Variants in PHACTR3 observed in about 807,000 individuals in gnomAD.
PHACTR3 encodes protein phosphatase 1, regulatory subunit 123.
Under a neutral mutation model 66.8 loss-of-function variants are expected in PHACTR3, and 16 were observed. The ratio of observed to expected loss-of-function variants is 0.24; its 90% CI spans 0.16 to 0.36. The LOEUF (loss-of-function observed/expected upper bound fraction) is 0.36. PHACTR3 is among the 10% of genes least tolerant of loss of function. The pLI, the probability that PHACTR3 is intolerant of heterozygous loss-of-function variation, is 1.00. For missense variants in PHACTR3, 647 were observed against 719.9 expected (o/e 0.90, Z 1.16); for synonymous variants, 323 against 292.1 (o/e 1.11, Z -1.08).
chr20:59,827,071 G>T (rs1439301626), intron 8 of PHACTR3, among the ~76,000 whole-genome samples: 1 of 152,062 alleles, frequency 6.6e-6, no homozygotes, highest in African/African-American at 2.4e-5. Flanking sequence ...GTCCCCAGAT[G>T]GAAGGTGACC....
intron 4 of PHACTR3, among the ~76,000 whole-genome samples, chr20:59,758,824 C>T (rs879558854): frequency 1.2e-4 from 18 of 152,150 alleles, no homozygotes; most frequent in Non-Finnish European, 2.5e-4. Context: ...AGTGACTTAA[C>T]CTTTCTGATT....
intron 1 of PHACTR3, among the ~76,000 whole-genome samples, chr20:59,590,435 G>T (rs1329306033): frequency 6.6e-6 from 1 of 152,154 alleles, no homozygotes; most frequent in Non-Finnish European, 1.5e-5. Context: ...CCTGGTTGCC[G>T]GTTTCAGTCC....
chr20:59,718,788 G>A (rs1259526741), intron 1 of PHACTR3, among the ~76,000 whole-genome samples: 2 of 152,328 alleles, frequency 1.3e-5, no homozygotes, highest in Non-Finnish European at 2.9e-5. Flanking sequence ...ACACGGCTCT[G>A]TTTTAAAAAG....
chr20:59,627,991 T>G (rs2034519781), intron 1 of PHACTR3: 2 of 152,200 alleles, frequency 1.3e-5, no homozygotes, highest in African/African-American at 4.8e-5. Context: ...CATCCATCCA[T>G]CTATCCAGGC....
At chr20:59,581,812 C>T (rs566217655) in intron 1 of PHACTR3, among the ~76,000 whole-genome samples, 2 of 151,262 alleles carry the variant, frequency 1.3e-5, no homozygotes, top group South Asian at 4.2e-4. Context: ...ACCCGGTAGG[C>T]GGAGCTTGCA....
At chr20:59,616,572 G>A (rs2034033650) in intron 1 of PHACTR3, among the ~76,000 whole-genome samples, 1 of 152,220 alleles carries the variant, frequency 6.6e-6, no homozygotes, top group African/African-American at 2.4e-5. Context: ...GCTGGCTTGA[G>A]GCAGTCAGAA....
chr20:59,598,115 TG>T (rs1288860693), intron 1 of PHACTR3, among the ~76,000 whole-genome samples: 1 of 152,018 alleles, frequency 6.6e-6, no homozygotes, highest in Admixed American at 6.6e-5. Flanking sequence ...CAGGGGCCAG[TG>T]GGGCTGCTTT....
intron 1 of PHACTR3, among the ~76,000 whole-genome samples, chr20:59,685,872 C>A (rs1210220750): frequency 6.6e-6 from 1 of 152,196 alleles, no homozygotes; most frequent in African/African-American, 2.4e-5. Context: ...CCACAACTTG[C>A]CCATCATGAG....
chr20:59,809,734 G>A (rs1322248480), intron 8 of PHACTR3, among the ~76,000 whole-genome samples: 1 of 152,148 alleles, frequency 6.6e-6, no homozygotes, highest in Non-Finnish European at 1.5e-5. Flanking sequence ...GTACTTTGAG[G>A]TTTGTGAGCC....
upstream of PHACTR3, among the ~76,000 whole-genome samples, chr20:59,602,470 A>G (rs2033508079): frequency 6.6e-6 from 1 of 151,898 alleles, no homozygotes; most frequent in Admixed American, 6.6e-5. Context: ...GAGAGAGAGA[A>G]AAGAAAAAAT....
At chr20:59,589,067 CA>C (rs1366075316) in intron 1 of PHACTR3, among the ~76,000 whole-genome samples, 2 of 152,194 alleles carry the variant, frequency 1.3e-5, no homozygotes, top group African/African-American at 4.8e-5. Flanking sequence ...ACAGGTCCCC[CA>C]AAGTAGCAAT....
At chr20:59,803,582 C>G (rs987234240) in intron 7 of PHACTR3, among the ~76,000 whole-genome samples, 2 of 152,010 alleles carry the variant, frequency 1.3e-5, no homozygotes, top group African/African-American at 4.8e-5. Flanking sequence ...AATATGCATA[C>G]TTTCTGTCAT....
At chr20:59,785,640 C>A (rs1451176314) in intron 7 of PHACTR3, among the ~76,000 whole-genome samples, 1 of 152,156 alleles carries the variant, frequency 6.6e-6, no homozygotes, top group African/African-American at 2.4e-5. Flanking sequence ...CTGCCCAGCT[C>A]CACGCTGACA....
At chr20:59,654,369 A>T (rs2035549848) in intron 1 of PHACTR3, among the ~76,000 whole-genome samples, 1 of 152,204 alleles carries the variant, frequency 6.6e-6, no homozygotes, top group South Asian at 2.1e-4. Flanking sequence ...ACCATTTGAC[A>T]ACCCAAATGA....
chr20:59,626,194 C>A (rs1043279257), intron 1 of PHACTR3, among the ~76,000 whole-genome samples: 1 of 152,140 alleles, frequency 6.6e-6, no homozygotes, highest in Non-Finnish European at 1.5e-5. Flanking sequence ...AGCCTGTCAC[C>A]GTTTTTTGAG....
intron 1 of PHACTR3, among the ~76,000 whole-genome samples, chr20:59,633,578 T>C (rs1399557855): frequency 3.9e-5 from 6 of 152,226 alleles, no homozygotes; most frequent in African/African-American, 1.4e-4. Flanking sequence ...TGTATACCTA[T>C]GTAACAAACC....
At chr20:59,608,870 A>G (rs2033758559) in intron 1 of PHACTR3, among the ~76,000 whole-genome samples, 1 of 152,046 alleles carries the variant, frequency 6.6e-6, no homozygotes, top group Admixed American at 6.5e-5. Context: ...TGTCAGTTTC[A>G]TTCTCTGTGG....
intron 1 of PHACTR3, among the ~76,000 whole-genome samples, chr20:59,649,708 C>G (rs186225711): frequency 6.6e-6 from 1 of 152,176 alleles, no homozygotes; most frequent in East Asian, 1.9e-4. Context: ...GGTGTATTTT[C>G]TGTAGTTTAA....
chr20:59,785,265 G>C (rs1039173761), intron 7 of PHACTR3, among the ~76,000 whole-genome samples: 1 of 152,190 alleles, frequency 6.6e-6, no homozygotes, highest in East Asian at 1.9e-4. Flanking sequence ...GCTGGTTGGT[G>C]AGAGTGGGTG....
Sources: allele counts gnomAD v4.1 joint callset (sites outside exome capture counted in the v4.1 genomes callset), GRCh38; gene constraint gnomAD v4.1.1; transcripts MANE v1.5; gene names NCBI Gene and HGNC (gene_info 2026-07-23, HGNC 2026-07-21).